SMYD3: variants seen among roughly 807,000 people sequenced by gnomAD.
The protein encoded by SMYD3 is histone-lysine N-methyltransferase SMYD3.
A neutral mutation model predicts 57.7 loss-of-function variants in SMYD3; 36 were observed. That is an observed-to-expected ratio of 0.62 (90% confidence interval 0.48 to 0.82). The LOEUF is 0.82. Ranked by LOEUF, SMYD3 falls within the 40% of genes least tolerant of loss-of-function variation. The pLI is 0.00. For missense variants in SMYD3, 515 were observed against 538.8 expected (o/e 0.96, Z 0.44); for synonymous variants, 211 against 195.0 (o/e 1.08, Z -0.68).
chr1:246,012,848 C>A (rs1220228767), intron 5 of SMYD3, among the ~76,000 whole-genome samples: 1 of 152,172 alleles, frequency 6.6e-6, no homozygotes, highest in Non-Finnish European at 1.5e-5. Flanking sequence ...GGTCCTGGGG[C>A]ACACTTTGGG....
Position 245,838,210 on chromosome 1 carries a change from C to T in SMYD3, c.1076+20286G>A, listed in dbSNP as rs180958225. Among the ~76,000 whole-genome samples, 668 of 152,312 alleles carry T rather than the reference C, an allele frequency of 4.4e-3. 1 individual carries two copies. Among genetic ancestry groups the T allele is most frequent in the Non-Finnish European group, 6.0e-3 (406 of 68,034 alleles). On this transcript the variant is annotated intron_variant, in intron 10 of 11. Transcript: ENST00000490107. ...CAATGACAGGTGTGTGGGTGGGGTG[C>T]ATGGGCTCTCCTCGCTTGGTTCATA...
At chr1:246,170,369 T>C (rs1325697113) in intron 5 of SMYD3, among the ~76,000 whole-genome samples, 1 of 151,510 alleles carries the variant, frequency 6.6e-6, no homozygotes, top group Non-Finnish European at 1.5e-5. Flanking sequence ...AGCTTCCCTT[T>C]ACATTTATTT....
chr1:246,446,731 T>C (rs2067555249), intron 1 of SMYD3, among the ~76,000 whole-genome samples: 1 of 152,132 alleles, frequency 6.6e-6, no homozygotes, highest in Non-Finnish European at 1.5e-5. Context: ...ACACGGTAAT[T>C]TAGAAATGGC....
intron 5 of SMYD3, among the ~76,000 whole-genome samples, chr1:246,032,360 CT>C (rs1162745154): frequency 6.6e-6 from 1 of 152,190 alleles, no homozygotes; most frequent in Non-Finnish European, 1.5e-5. Flanking sequence ...GAATCTCTCA[CT>C]CTCCCCCTCC....
chr1:246,072,225 G>C (rs76061530), intron 5 of SMYD3, among the ~76,000 whole-genome samples: 8 of 120,066 alleles, frequency 6.7e-5, no homozygotes, highest in Non-Finnish European at 1.2e-4. Flanking sequence ...TGCTCACTGT[G>C]GATGCTTCCT....
intron 10 of SMYD3, among the ~76,000 whole-genome samples, chr1:245,840,544 T>A (rs897810638): frequency 1.3e-5 from 2 of 152,054 alleles, no homozygotes; most frequent in South Asian, 2.1e-4. Flanking sequence ...GTTTGAGGTG[T>A]CACAGGTTGC....
chr1:245,752,830 A>AC (rs1054411222), intron 11 of SMYD3, among the ~76,000 whole-genome samples: 1 of 152,000 alleles, frequency 6.6e-6, no homozygotes, highest in African/African-American at 2.4e-5. Context: ...CTAGTCCAAT[A>AC]CCCTCATGTT....
intron 1 of SMYD3, among the ~76,000 whole-genome samples, chr1:246,448,154 C>T (rs1308194928): frequency 1.1e-4 from 17 of 152,184 alleles, no homozygotes; most frequent in African/African-American, 3.6e-4. Context: ...AAGGCAGAGG[C>T]GGCATTGAGC....
At chr1:246,239,360 T>C (rs1324957317) in intron 5 of SMYD3, among the ~76,000 whole-genome samples, 1 of 152,294 alleles carries the variant, frequency 6.6e-6, no homozygotes, top group East Asian at 1.9e-4. Flanking sequence ...TGATTTTCTG[T>C]CCTTGCGGTA....
intron 8 of SMYD3, among the ~76,000 whole-genome samples, chr1:245,867,609 G>C (rs2051926811): frequency 6.6e-6 from 1 of 152,086 alleles, no homozygotes; most frequent in South Asian, 2.1e-4. Flanking sequence ...ATACTGAAGA[G>C]GCAGGTGGAA....
rs34630885 is a variant in SMYD3, at chr1:246,485,606, AC to A, written c.164+21447del. Among the ~76,000 whole-genome samples the A allele has an allele frequency of 5.4e-5, 8 of 148,998 alleles. 1 individual carries two copies. The highest frequency in any genetic ancestry group is 2.1e-4 in the South Asian group (1 of 4,690). On this transcript the variant is annotated intron_variant, in intron 1 of 11. Transcript: ENST00000490107. Reference sequence around the variant, plus strand: ...AGCCCAGCCTGGGCAATACAGTGAGACCCCCCCCCACATCTCTACAAAAAAA... The same window carrying A: ...AGCCCAGCCTGGGCAATACAGTGAGACCCCCCCCACATCTCTACAAAAAAA...
intron 8 of SMYD3, among the ~76,000 whole-genome samples, chr1:245,872,990 G>A (rs897960293): frequency 6.6e-6 from 1 of 152,282 alleles, no homozygotes; most frequent in East Asian, 1.9e-4. Context: ...GCTTCTCAGA[G>A]AAATAAGCTT....
chr1:246,376,383 G>GA (rs915554818), intron 1 of SMYD3, among the ~76,000 whole-genome samples: 6 of 151,914 alleles, frequency 3.9e-5, no homozygotes, highest in Admixed American at 3.9e-4. Context: ...CTGAGGTCAG[G>GA]AGTTCAAGAC....
At chr1:246,256,418 T>C (rs1213577475) in intron 5 of SMYD3, among the ~76,000 whole-genome samples, 1 of 152,158 alleles carries the variant, frequency 6.6e-6, no homozygotes, top group African/African-American at 2.4e-5. Context: ...ACCATCACAG[T>C]GTGTTTCCAG....
At chr1:245,888,586 C>T (rs1215729597) in intron 8 of SMYD3, among the ~76,000 whole-genome samples, 1 of 152,204 alleles carries the variant, frequency 6.6e-6, no homozygotes, top group Non-Finnish European at 1.5e-5. Context: ...CATTTCTCCT[C>T]TCTGCAAAAT....
intron 5 of SMYD3, among the ~76,000 whole-genome samples, chr1:246,176,192 T>G (rs574946648): frequency 6.6e-6 from 1 of 152,262 alleles, no homozygotes; most frequent in South Asian, 2.1e-4. Context: ...CTTTTTTATC[T>G]GCTACTTAGT....
chr1:245,966,647 A>G (rs761844645), intron 5 of SMYD3, among the ~76,000 whole-genome samples: 2 of 152,180 alleles, frequency 1.3e-5, no homozygotes, highest in African/African-American at 2.4e-5. Flanking sequence ...TTCATGGAGA[A>G]TATCAACCAG....
At position 246,283,939 on chromosome 1, in the gene SMYD3, TA is replaced by T. The variant is rs145093643; in HGVS notation, c.531+43261del. On this transcript the variant is annotated intron_variant, in intron 5 of 11. Coordinates refer to ENST00000490107, the MANE Select transcript of SMYD3 (RefSeq NM_001167740.2). ...AAATAACAAAAGGAAGTCAAGCATT[TA>T]AATGTAGCACATTAATATTTGACTA... Among the ~76,000 whole-genome samples the T allele has an allele frequency of 6.7e-3, 1,027 of 152,354 alleles. 7 individuals are homozygous for T. Among genetic ancestry groups the T allele is most frequent in the Non-Finnish European group, 0.01 (685 of 68,032 alleles).
intron 1 of SMYD3, among the ~76,000 whole-genome samples, chr1:246,387,059 G>C (rs2066495141): frequency 6.6e-6 from 1 of 152,124 alleles, no homozygotes; most frequent in Admixed American, 6.6e-5. Flanking sequence ...ACAGCAAGCA[G>C]ACTGCTTTGC....
Sources: gnomAD v4.1 joint callset for allele counts (sites outside exome capture counted in the v4.1 genomes callset) on GRCh38, gnomAD v4.1.1 for gene constraint, MANE v1.5 for transcripts, NCBI Gene and HGNC (gene_info 2026-07-23, HGNC 2026-07-21) for gene names.